Variants in ACAD11 observed in about 807,000 individuals in gnomAD.
The protein encoded by ACAD11 is acyl-Coenzyme A dehydrogenase family, member 11.
ACAD11 carries 83 observed loss-of-function variants against 102.2 expected under a neutral mutation model. The ratio of observed to expected loss-of-function variants is 0.81; its 90% CI spans 0.68 to 0.97. ACAD11 has a LOEUF of 0.97. ACAD11 is among the 50% of genes least tolerant of loss of function. The pLI is 0.00. For synonymous variants in ACAD11, 324 were observed against 319.8 expected, an observed-to-expected ratio of 1.01 and a Z score of -0.14; for missense variants, 901 against 951.7, an observed-to-expected ratio of 0.95 and a Z score of 0.70.
Position 132,575,846 on chromosome 3 carries a change from C to T in ACAD11, c.1927G>A (p.Ala643Thr), listed in dbSNP as rs138569870. The change falls in exon 17 of 20, where the codon GCG (alanine) becomes ACG (threonine). Residue 643 changes from alanine to threonine, a missense_variant. Transcript: ENST00000264990. The stretch of plus-strand genomic sequence containing the variant: ...CACATGATCTGCAAAGCGCGTTCCG[C>T]CAAACCTACTGTTCTCATACAGTGG... ...IHHCMRTVGL[A>T]ERALQIMCER... 1.0e-4 allele frequency: 168 copies of T among 1,613,940 alleles called. No homozygotes were observed. Among genetic ancestry groups the T allele is most frequent in the Non-Finnish European group, 1.4e-4 (166 of 1,179,986 alleles).
intron 17 of ACAD11, among the ~76,000 whole-genome samples, chr3:132,562,758 T>A (rs2107778115): frequency 6.6e-6 from 1 of 152,352 alleles, no homozygotes; most frequent in South Asian, 2.1e-4. Context: ...CTTTTGTCCA[T>A]TTTTTAATTG....
intron 4 of ACAD11, among the ~76,000 whole-genome samples, chr3:132,640,234 T>C (rs1940437183): frequency 6.6e-6 from 1 of 151,904 alleles, no homozygotes; most frequent in Non-Finnish European, 1.5e-5. Flanking sequence ...GGATTACAGA[T>C]GCATACCACC....
At chr3:132,586,907 A>G (rs1402265694) in intron 13 of ACAD11, among the ~76,000 whole-genome samples, 1 of 152,204 alleles carries the variant, frequency 6.6e-6, no homozygotes, top group Non-Finnish European at 1.5e-5. Flanking sequence ...AGCCTGGCCA[A>G]CATGGCGAAA....
chr3:132,586,780 C>G (rs1350947552), intron 13 of ACAD11, among the ~76,000 whole-genome samples: 1 of 152,146 alleles, frequency 6.6e-6, no homozygotes, highest in Non-Finnish European at 1.5e-5. Context: ...TCAAGTAGAA[C>G]ATTTTATCAT....
intron 1 of ACAD11, among the ~76,000 whole-genome samples, chr3:132,657,743 T>G (rs1937883909): frequency 6.6e-6 from 1 of 152,216 alleles, no homozygotes; most frequent in South Asian, 2.1e-4. Flanking sequence ...TACACTGAAC[T>G]TTGATAGTCT....
chr3:132,605,634 A>G (rs1038319104), intron 11 of ACAD11, among the ~76,000 whole-genome samples: 3 of 152,138 alleles, frequency 2.0e-5, no homozygotes, highest in African/African-American at 7.2e-5. Flanking sequence ...CTGTTCCTCA[A>G]ACACACCCTG....
intron 13 of ACAD11, among the ~76,000 whole-genome samples, chr3:132,590,507 A>G (rs148577120): frequency 1.3e-5 from 2 of 152,140 alleles, no homozygotes; most frequent in East Asian, 1.9e-4. Flanking sequence ...TTAGCCCCCC[A>G]AAGTGCTGGG....
At chr3:132,586,206 C>G (rs952735233) in intron 13 of ACAD11, among the ~76,000 whole-genome samples, 5 of 152,100 alleles carry the variant, frequency 3.3e-5, no homozygotes, top group Admixed American at 6.5e-5. Context: ...ATGGATGAAG[C>G]TGGAAACCAT....
Position 132,565,262 on chromosome 3 carries a change from G to A in ACAD11, c.2002-4045C>T, listed in dbSNP as rs147235806. On this transcript the variant is annotated intron_variant, in intron 17 of 19. Coordinates refer to ENST00000264990, the MANE Select transcript of ACAD11 (RefSeq NM_032169.5). ...CAGACAGTGCCAAGTAAAAACCTGA[G>A]GCTTTCCTCCCCACTGGCCAGTAAT... 6.8e-3 allele frequency among the ~76,000 whole-genome samples: 1,038 copies of A among 152,194 alleles called. 13 individuals carry two copies. The highest frequency in any genetic ancestry group is 0.024 in the African/African-American group (990 of 41,510).
intron 13 of ACAD11, among the ~76,000 whole-genome samples, chr3:132,588,945 G>A (rs1451517952): frequency 6.6e-6 from 1 of 152,166 alleles, no homozygotes; most frequent in Non-Finnish European, 1.5e-5. Context: ...TAGAAGTCAT[G>A]TTTTGGAATC....
intron 11 of ACAD11, among the ~76,000 whole-genome samples, chr3:132,608,887 G>C (rs1938982810): frequency 6.6e-6 from 1 of 152,020 alleles, no homozygotes; most frequent in Non-Finnish European, 1.5e-5. Flanking sequence ...CCACATAATT[G>C]GATGTAAAAC....
At chr3:132,640,388 T>C (rs1011632903) in intron 4 of ACAD11, among the ~76,000 whole-genome samples, 1 of 152,186 alleles carries the variant, frequency 6.6e-6, no homozygotes, top group Non-Finnish European at 1.5e-5. Flanking sequence ...GCGCCCAGCC[T>C]ACTTTTCATT....
chr3:132,585,798 C>T (rs1188358323), intron 13 of ACAD11, among the ~76,000 whole-genome samples: 1 of 152,224 alleles, frequency 6.6e-6, no homozygotes, highest in East Asian at 1.9e-4. Flanking sequence ...GAGATACCAT[C>T]TCACACCAGT....
chr3:132,640,047 A>C (rs1362243926), intron 4 of ACAD11, among the ~76,000 whole-genome samples: 1 of 152,054 alleles, frequency 6.6e-6, no homozygotes, highest in Non-Finnish European at 1.5e-5. Context: ...TAATCTCTGG[A>C]AAGGGTCACG....
intron 1 of ACAD11, 27 bp downstream of exon 1, chr3:132,659,576 G>C (rs771764695): frequency 1.2e-6 from 2 of 1,606,082 alleles, no homozygotes; most frequent in Non-Finnish European, 1.7e-6. Flanking sequence ...ATTTTTTTCC[G>C]CTGGAGGCAA....
intron 13 of ACAD11, among the ~76,000 whole-genome samples, chr3:132,590,220 G>GGATT (rs1938019952): frequency 6.6e-6 from 1 of 152,072 alleles, no homozygotes; most frequent in African/African-American, 2.4e-5. Context: ...CCCAGTAATG[G>GGATT]GATTGCTGGG....
chr3:132,654,217 T>C (rs1937659150), intron 1 of ACAD11, among the ~76,000 whole-genome samples: 1 of 152,254 alleles, frequency 6.6e-6, no homozygotes, highest in African/African-American at 2.4e-5. Context: ...CATGCATTGC[T>C]TAATGACAGG....
rs1027091624 is a variant in ACAD11, at chr3:132,600,257, G to A, written c.1621+2972C>T. On this transcript the variant is annotated intron_variant, in intron 13 of 19. Coordinates refer to ENST00000264990, the MANE Select transcript of ACAD11 (RefSeq NM_032169.5). ...CTCCCATTAAAGCATTTCAAAGAGT[G>A]CTAGATTCAGGCTCACATATGTTAC... 8.0e-6 allele frequency: 6 copies of A among 747,230 alleles called. No homozygotes were observed. In the African/African-American group the frequency reaches 8.9e-5, roughly 11 times the overall value. The allele number at this position is 747,230 out of a possible 1,614,324, so 46.3% of individuals were successfully genotyped here. A position where few individuals can be genotyped will look rare whatever the true frequency, so the allele number is the denominator to read the frequency against.
At chr3:132,639,340 C>A in intron 5 of ACAD11, 152 bp downstream of exon 5, 1 of 611,742 alleles carries the variant, frequency 1.6e-6, no homozygotes, top group Non-Finnish European at 2.6e-6. Context: ...TGCAGGACTC[C>A]TTTCTAAAAA....
Sources: gnomAD v4.1 joint callset for allele counts (sites outside exome capture counted in the v4.1 genomes callset) on GRCh38, gnomAD v4.1.1 for gene constraint, MANE v1.5 for transcripts, NCBI Gene and HGNC (gene_info 2026-07-23, HGNC 2026-07-21) for gene names.